Variants in CLYBL observed in about 807,000 individuals in gnomAD.
CLYBL encodes citramalyl-CoA lyase, also known as citramalyl-CoA lyase, mitochondrial.
A neutral mutation model predicts 38.9 loss-of-function variants in CLYBL; 31 were observed. That is an observed-to-expected ratio of 0.80 (90% confidence interval 0.60 to 1.08). The LOEUF (loss-of-function observed/expected upper bound fraction) is 1.08. Ranked by LOEUF, CLYBL falls within the 50% of genes least tolerant of loss-of-function variation. The pLI, the probability that CLYBL is intolerant of heterozygous loss-of-function variation, is 0.00. For synonymous variants in CLYBL, 171 were observed against 158.6 expected (o/e 1.08, Z -0.59); for missense variants, 434 against 411.6 (o/e 1.05, Z -0.47).
At chr13:99,639,259 C>T (rs536632760) in intron 1 of CLYBL, among the ~76,000 whole-genome samples, 64 of 152,272 alleles carry the variant, frequency 4.2e-4, no homozygotes, top group East Asian at 1.4e-3. Flanking sequence ...CCAGGCAAGC[C>T]GGGGCTTGTG....
intron 8 of CLYBL, among the ~76,000 whole-genome samples, chr13:99,903,423 C>T (rs1055592804): frequency 3.9e-5 from 6 of 152,062 alleles, no homozygotes; most frequent in African/African-American, 9.7e-5. Context: ...CACTCGCACA[C>T]GCACACACAC....
intron 2 of CLYBL, among the ~76,000 whole-genome samples, chr13:99,803,192 G>T (rs1321990949): frequency 6.6e-6 from 1 of 152,188 alleles, no homozygotes; most frequent in Non-Finnish European, 1.5e-5. Context: ...CCGGCTGAAG[G>T]TTTCTAGGAA....
Position 99,883,389 on chromosome 13 carries a change from A to G in CLYBL, c.928-7929A>G, listed in dbSNP as rs113106132. 7.8e-4 allele frequency among the ~76,000 whole-genome samples: 119 copies of G among 151,858 alleles called. 1 individual carries two copies. The highest frequency in any genetic ancestry group is 2.3e-3 in the African/African-American group (95 of 41,436). ...CAAAAATTAGCTGGGTGTGGTGGCG[A>G]GCGCCTGAAATCCCAGCTACTCAGG... On this transcript the variant is annotated intron_variant, in intron 7 of 8. Coordinates refer to ENST00000339105, the MANE Select transcript of CLYBL (RefSeq NM_206808.5).
At chr13:99,880,818 G>A (rs1765366914) in intron 7 of CLYBL, among the ~76,000 whole-genome samples, 1 of 152,238 alleles carries the variant, frequency 6.6e-6, no homozygotes, top group Admixed American at 6.5e-5. Context: ...GACAGCCAGA[G>A]AGCTACAGGG....
intron 2 of CLYBL, among the ~76,000 whole-genome samples, chr13:99,807,467 A>C (rs2050254433): frequency 6.6e-6 from 1 of 152,216 alleles, no homozygotes; most frequent in Non-Finnish European, 1.5e-5. Flanking sequence ...CGGGCAAACA[A>C]AATGCGGTGT....
intron 1 of CLYBL, among the ~76,000 whole-genome samples, chr13:99,610,519 G>A (rs542843836): frequency 7.2e-4 from 109 of 152,214 alleles, no homozygotes; most frequent in African/African-American, 2.5e-3. Flanking sequence ...TGCAACCAGC[G>A]AGGTCTCTGC....
chr13:99,632,681 G>T (rs2046962120), intron 1 of CLYBL, among the ~76,000 whole-genome samples: 1 of 152,086 alleles, frequency 6.6e-6, no homozygotes, highest in Non-Finnish European at 1.5e-5. Context: ...GGAGGCGGAG[G>T]TTGCAGTGAG....
intron 1 of CLYBL, among the ~76,000 whole-genome samples, chr13:99,724,326 C>T (rs1208718519): frequency 1.3e-5 from 2 of 152,158 alleles, no homozygotes. Context: ...GCCTTTCAAG[C>T]CTTCCGTTAT....
intron 1 of CLYBL, among the ~76,000 whole-genome samples, chr13:99,728,667 C>T (rs1222875306): frequency 1.3e-5 from 2 of 152,032 alleles, no homozygotes; most frequent in Non-Finnish European, 2.9e-5. Flanking sequence ...CCTCAACCTC[C>T]AGGGCTCAAG....
intron 1 of CLYBL, among the ~76,000 whole-genome samples, chr13:99,720,579 C>T (rs1384187408): frequency 1.3e-5 from 2 of 152,132 alleles, no homozygotes; most frequent in Non-Finnish European, 2.9e-5. Context: ...CTTTCTTCAG[C>T]CTTTGTATGG....
intron 1 of CLYBL, among the ~76,000 whole-genome samples, chr13:99,743,748 G>A (rs1439804929): frequency 6.6e-6 from 1 of 152,050 alleles, no homozygotes; most frequent in African/African-American, 2.4e-5. Flanking sequence ...TAATTAGTGG[G>A]AATCACAATG....
rs2048401632 is a variant in CLYBL, at chr13:99,722,078, A to G, written c.63-50746A>G. Among the ~76,000 whole-genome samples, 3 of 152,334 alleles carry G rather than the reference A, an allele frequency of 2.0e-5. No homozygotes were observed. In the South Asian group the frequency reaches 6.2e-4, roughly 32 times the overall value. On this transcript the variant is annotated intron_variant, in intron 1 of 8. Transcript: ENST00000339105. The stretch of plus-strand genomic sequence containing the variant: ...GGCTCCTGATTCAGATGATTCATAC[A>G]AAAGCTTTTAGTTACTTTTCAGAGC...
intron 2 of CLYBL, among the ~76,000 whole-genome samples, chr13:99,818,084 G>GAAAAA (rs77281262): frequency 3.5e-5 from 5 of 144,238 alleles, no homozygotes; most frequent in African/African-American, 1.3e-4. Flanking sequence ...GAGGAAGGGA[G>GAAAAA]AAAAAAAAAA....
At chr13:99,907,911 G>A (rs1481898231) in intron 9 of CLYBL, among the ~76,000 whole-genome samples, 1 of 152,130 alleles carries the variant, frequency 6.6e-6, no homozygotes, top group East Asian at 1.9e-4. Context: ...CAAGACTTTG[G>A]GCATGGGCTT....
chr13:99,887,345 C>G (rs1158625665), intron 7 of CLYBL, among the ~76,000 whole-genome samples: 1 of 152,202 alleles, frequency 6.6e-6, no homozygotes, highest in African/African-American at 2.4e-5. Context: ...ATAGAGTCAG[C>G]TTTATCCCTG....
chr13:99,718,904 A>G (rs1421282835), intron 1 of CLYBL, among the ~76,000 whole-genome samples: 1 of 150,618 alleles, frequency 6.6e-6, no homozygotes, highest in Non-Finnish European at 1.5e-5. Flanking sequence ...GTGCAGTGGC[A>G]TGATCTCAGC....
At chr13:99,792,063 G>A (rs537265308) in intron 2 of CLYBL, among the ~76,000 whole-genome samples, 2 of 152,222 alleles carry the variant, frequency 1.3e-5, no homozygotes, top group African/African-American at 4.8e-5. Flanking sequence ...ATCTGAGAAA[G>A]ATGTTACTTA....
chr13:99,802,780 A>C lies in CLYBL; in HGVS notation c.249+29770A>C, dbSNP rs148048651. 6.9e-3 allele frequency among the ~76,000 whole-genome samples: 1,049 copies of C among 152,298 alleles called. 3 individuals carry two copies. The highest frequency in any genetic ancestry group is 0.034 in the Middle Eastern group (10 of 294). ...AGCATCCTTGGGTCTTGCTGGGAAC[A>C]TCTTAACTCATGAGGCCTTCCAGGA... is the stretch of plus-strand genomic sequence containing the variant. On this transcript the variant is annotated intron_variant, in intron 2 of 8. Coordinates refer to ENST00000339105, the MANE Select transcript of CLYBL (RefSeq NM_206808.5).
rs548792875 is a variant in CLYBL at position 99,845,122 on chromosome 13, C to T, written c.250-13739C>T. ...TTCCCACTTCCTGTATGTCCAGAGG[C>T]CCTTCCTGGCAGAACTTCCAGCCCA... On this transcript the variant is annotated intron_variant, in intron 2 of 8. Transcript: ENST00000339105. 4.6e-5 allele frequency among the ~76,000 whole-genome samples: 7 copies of T among 152,278 alleles called. No homozygotes were observed. In the South Asian group the frequency reaches 1.5e-3, roughly 32 times the overall value.
Sources: allele counts gnomAD v4.1 joint callset (sites outside exome capture counted in the v4.1 genomes callset), GRCh38; gene constraint gnomAD v4.1.1; transcripts MANE v1.5; gene names NCBI Gene and HGNC (gene_info 2026-07-23, HGNC 2026-07-21).